The following NEMP2 variants were observed in gnomAD, a reference collection of about 807,000 sequenced individuals.
NEMP2 encodes the protein nuclear envelope integral membrane protein 2.
A neutral mutation model predicts 54.2 loss-of-function variants in NEMP2; 53 were observed. The observed-to-expected ratio is 0.98, with a 90% confidence interval of 0.78 to 1.23. NEMP2 has a LOEUF of 1.23. Ranked by LOEUF, NEMP2 falls within the 50% of genes most tolerant of loss-of-function variation. NEMP2 has a pLI of 0.00. For missense variants in NEMP2, 455 were observed against 511.3 expected (o/e 0.89, Z 1.06); for synonymous variants, 197 against 190.3 (o/e 1.04, Z -0.29).
At chr2:190,470,330 A>G in the NEMP2 span, among the ~76,000 whole-genome samples, 2 of 152,198 alleles carry the variant, frequency 1.3e-5, no homozygotes, top group Non-Finnish European at 2.9e-5. Flanking sequence ...TTGTTTTTCC[A>G]TGAACTTTAA....
chr2:190,559,774 T>G, the NEMP2 span, among the ~76,000 whole-genome samples: 71 of 151,422 alleles, frequency 4.7e-4, 1 homozygote, highest in South Asian at 0.014. The surrounding 1 kb of genome is among the most constrained non-coding windows in gnomAD (Gnocchi z 4.0). Context: ...TCCTGGGAGG[T>G]GAGTGGAGAG....
chr2:190,428,995 T>G, the NEMP2 span, among the ~76,000 whole-genome samples: 1 of 152,030 alleles, frequency 6.6e-6, no homozygotes. Flanking sequence ...ATTTCAGCCA[T>G]TTTTAGAGTA....
the NEMP2 span, among the ~76,000 whole-genome samples, chr2:190,556,131 G>A: frequency 5.9e-5 from 9 of 152,216 alleles, no homozygotes; most frequent in Non-Finnish European, 1.0e-4. Context: ...TATGCACCAT[G>A]ATCAAGTTGG....
intron 1 of NEMP2, among the ~76,000 whole-genome samples, chr2:190,526,915 T>C (rs1466730707): frequency 6.6e-6 from 1 of 152,114 alleles, no homozygotes; most frequent in Non-Finnish European, 1.5e-5. Flanking sequence ...AAGAGAGATA[T>C]ATATTAACCC....
rs780077042 is a variant in NEMP2, at chr2:190,510,351, C to T, written c.1130+10G>A. 1.1e-5 allele frequency: 17 copies of T among 1,551,316 alleles called. No homozygotes were observed. Among genetic ancestry groups the T allele is most frequent in the South Asian group, 7.1e-5 (6 of 84,052 alleles). On this transcript the variant is annotated intron_variant, in intron 8 of 8. Coordinates refer to ENST00000409150, the MANE Select transcript of NEMP2 (RefSeq NM_001142645.2). The surrounding 1 kb of genome is among the most constrained non-coding windows in gnomAD (Gnocchi z 5.7). The stretch of plus-strand genomic sequence containing the variant: ...CTAAACTATGGTCCGAGCAGCAGAG[C>T]GGGACTTACTTGCTAGGAGTGTGGA...
At chr2:190,497,766 AC>A in the NEMP2 span, 1 of 1,555,208 alleles carries the variant, frequency 6.4e-7, no homozygotes, top group South Asian at 1.2e-5. The surrounding 1 kb of genome is among the most constrained non-coding windows in gnomAD (Gnocchi z 5.2). Context: ...CACTCAAGAT[AC>A]CTTAACTGGG....
the NEMP2 span, among the ~76,000 whole-genome samples, chr2:190,483,650 C>T: frequency 6.6e-6 from 1 of 151,984 alleles, no homozygotes; most frequent in Admixed American, 6.6e-5. Context: ...TCCTGGCCAA[C>T]ATGGTGAAAC....
the NEMP2 span, among the ~76,000 whole-genome samples, chr2:190,583,315 C>A: frequency 6.6e-6 from 1 of 150,646 alleles, no homozygotes; most frequent in Non-Finnish European, 1.5e-5. Context: ...AGAAAACAAT[C>A]AGAATGAGTC....
At chr2:190,488,828 G>A in the NEMP2 span, 3 of 1,531,388 alleles carry the variant, frequency 2.0e-6, no homozygotes, top group South Asian at 2.5e-5. This position sits in a 1 kb window ranked among gnomAD's most constrained non-coding sequence, Gnocchi z 6.4. Context: ...GGTAAGAATG[G>A]CTTTCTCCTT....
In NEMP2 at chr2:190,521,805, A is replaced by G. The variant is rs1305939322; in HGVS notation, c.214-2622T>C. 1.3e-5 allele frequency among the ~76,000 whole-genome samples: 2 copies of G among 151,994 alleles called. No homozygotes were observed. Among genetic ancestry groups the G allele is most frequent in the African/African-American group, 4.8e-5 (2 of 41,378 alleles). ...CTGATTATTCCCTTCTCCTTATTAT[A>G]CTTCTCCCTAGGGCTTCCAGGACAT... On this transcript the variant is annotated intron_variant, in intron 2 of 8. Transcript: ENST00000409150. This position sits in a 1 kb window ranked among gnomAD's most constrained non-coding sequence, Gnocchi z 6.2.
chr2:190,617,584 G>A, the NEMP2 span, among the ~76,000 whole-genome samples: 1 of 152,030 alleles, frequency 6.6e-6, no homozygotes, highest in African/African-American at 2.4e-5. The surrounding 1 kb of genome is among the most constrained non-coding windows in gnomAD (Gnocchi z 5.0). Flanking sequence ...GTTTCCATTT[G>A]ACCCCTATTT....
At chr2:190,563,109 T>C in the NEMP2 span, among the ~76,000 whole-genome samples, 3 of 152,228 alleles carry the variant, frequency 2.0e-5, no homozygotes, top group Non-Finnish European at 4.4e-5. The surrounding 1 kb of genome is among the most constrained non-coding windows in gnomAD (Gnocchi z 4.3). Context: ...GAATTTCTAA[T>C]TAATTGTTTT....
Position 190,534,683 on chromosome 2 carries a change from C to G in NEMP2, c.-28G>C. On this transcript the variant is annotated 5_prime_UTR_variant, in exon 1 of 9. Transcript: ENST00000409150. ...CGTTAGGGGTCAGCTCCGTGCGACC[C>G]GAGCCCTAGGGGACCGGCTCCGCTG... The G allele has an allele frequency of 8.0e-7, 1 of 1,253,206 alleles. No individual in the cohort carries two copies. The highest frequency in any genetic ancestry group is 1.0e-6 in the Non-Finnish European group (1 of 997,878). 77.6% of individuals were successfully genotyped at this position (1,253,206 alleles called of 1,614,324 possible). A position where few individuals can be genotyped will look rare whatever the true frequency, so the allele number is the denominator to read the frequency against.
At chr2:190,647,709 T>TC in the NEMP2 span, among the ~76,000 whole-genome samples, 1 of 99,734 alleles carries the variant, frequency 1.0e-5, no homozygotes, top group African/African-American at 3.8e-5. Context: ...TTCTTCTTCT[T>TC]CTTTTTTTTT....
the NEMP2 span, among the ~76,000 whole-genome samples, chr2:190,458,076 T>C: frequency 6.6e-6 from 1 of 152,176 alleles, no homozygotes; most frequent in Non-Finnish European, 1.5e-5. This position sits in a 1 kb window ranked among gnomAD's most constrained non-coding sequence, Gnocchi z 5.3. Flanking sequence ...ACACACTCTG[T>C]TGCTGGTCTA....
At chr2:190,582,828 C>T in the NEMP2 span, among the ~76,000 whole-genome samples, 1 of 152,148 alleles carries the variant, frequency 6.6e-6, no homozygotes, top group Admixed American at 6.6e-5. This position sits in a 1 kb window ranked among gnomAD's most constrained non-coding sequence, Gnocchi z 4.6. Flanking sequence ...TGAAGATGTT[C>T]GTGGAGGTTT....
chr2:190,544,370 A>G, the NEMP2 span, among the ~76,000 whole-genome samples: 1 of 152,172 alleles, frequency 6.6e-6, no homozygotes, highest in Non-Finnish European at 1.5e-5. Context: ...GAATAAATAT[A>G]ATTTATTAAG....
At chr2:190,487,768 T>C in the NEMP2 span, among the ~76,000 whole-genome samples, 6 of 152,186 alleles carry the variant, frequency 3.9e-5, no homozygotes, top group East Asian at 1.9e-4. The surrounding 1 kb of genome is among the most constrained non-coding windows in gnomAD (Gnocchi z 5.5). Context: ...GGTGGAGAAA[T>C]TGGATCTCTC....
chr2:190,449,342 C>T, the NEMP2 span, among the ~76,000 whole-genome samples: 28 of 152,092 alleles, frequency 1.8e-4, no homozygotes, highest in African/African-American at 6.0e-4. Flanking sequence ...GGCATGGTGG[C>T]GGGCACTTGT....
Sources: allele counts gnomAD v4.1 joint callset (sites outside exome capture counted in the v4.1 genomes callset), GRCh38; gene constraint gnomAD v4.1.1; non-coding constraint Gnocchi (gnomAD v3.1); transcripts MANE v1.5; gene names NCBI Gene and HGNC (gene_info 2026-07-23, HGNC 2026-07-21).